The following UGT1A8 variants were observed in gnomAD, a reference collection of about 807,000 sequenced individuals.
UGT1A8 encodes the protein UDP-glucuronosyltransferase 1A8.
Under a neutral mutation model 45.3 loss-of-function variants are expected in UGT1A8, and 39 were observed. The observed-to-expected ratio is 0.86, with a 90% CI of 0.67 to 1.12. UGT1A8 has a LOEUF of 1.12. Among genes scored for constraint, UGT1A8 ranks in the 50% most tolerant of loss-of-function variants. The pLI is 0.00. For synonymous variants in UGT1A8, 275 were observed against 249.2 expected (o/e 1.10, Z -0.97); for missense variants, 719 against 664.9 (o/e 1.08, Z -0.90).
chr2:233,714,109 G>A (rs561415823), intron 1 of UGT1A8, among the ~76,000 whole-genome samples: 1 of 152,272 alleles, frequency 6.6e-6, no homozygotes, highest in East Asian at 1.9e-4. Flanking sequence ...AGAGTGGTGT[G>A]ACTCACGGAG....
intron 1 of UGT1A8, chr2:233,692,729 T>C (rs1309598477): frequency 3.2e-6 from 3 of 927,358 alleles, no homozygotes; most frequent in Non-Finnish European, 4.3e-6. Flanking sequence ...GCTATAACTT[T>C]TCAGAGAGGG....
chr2:233,750,998 C>T (rs1414684238), intron 1 of UGT1A8, among the ~76,000 whole-genome samples: 1 of 151,782 alleles, frequency 6.6e-6, no homozygotes, highest in African/African-American at 2.4e-5. Context: ...GGCCACCATC[C>T]TCCAGAATCC....
At chr2:233,637,333 T>A (rs1252336787) in intron 1 of UGT1A8, 2 of 1,613,952 alleles carry the variant, frequency 1.2e-6, no homozygotes, top group Non-Finnish European at 1.7e-6. Flanking sequence ...CAACATGATC[T>A]TCATTGGTGG....
intron 1 of UGT1A8, among the ~76,000 whole-genome samples, chr2:233,623,734 C>T (rs2073051493): frequency 6.6e-6 from 1 of 151,996 alleles, no homozygotes; most frequent in Admixed American, 6.6e-5. Flanking sequence ...AGAAATAAAC[C>T]CATACGTTCT....
chr2:233,657,879 A>G (rs2073890400), intron 1 of UGT1A8, among the ~76,000 whole-genome samples: 1 of 152,118 alleles, frequency 6.6e-6, no homozygotes, highest in Non-Finnish European at 1.5e-5. Context: ...AAAGTTATTT[A>G]TATATTCTGG....
rs541996220 is a variant in UGT1A8 at position 233,687,430 on chromosome 2, AG to A, written c.855+68870del. ...ATATATTGGAGGCTTACCGTGTACC[AG>A]GTGCTACCCTAAGTATTTACATGGA... is the stretch of plus-strand genomic sequence containing the variant. On this transcript the variant is annotated intron_variant, in intron 1 of 4. Transcript: ENST00000373450. Among the ~76,000 whole-genome samples, 100 of 152,226 alleles carry A rather than the reference AG, an allele frequency of 6.6e-4. 2 individuals are homozygous for A. In the Middle Eastern group the frequency reaches 0.02, roughly 31 times the overall value.
chr2:233,760,380 G>A, intron 1 of UGT1A8: 1 of 1,614,192 alleles, frequency 6.2e-7, no homozygotes, highest in Non-Finnish European at 8.5e-7. Flanking sequence ...GGAAGATACT[G>A]TTGATCCCAG....
At chr2:233,692,675 G>A (rs932907325) in intron 1 of UGT1A8, among the ~76,000 whole-genome samples, 1 of 152,174 alleles carries the variant, frequency 6.6e-6, no homozygotes, top group African/African-American at 2.4e-5. Context: ...TAGAGAATTG[G>A]CAGGGGGTCC....
At chr2:233,699,547 G>A (rs2075511993) in intron 1 of UGT1A8, among the ~76,000 whole-genome samples, 1 of 152,188 alleles carries the variant, frequency 6.6e-6, no homozygotes, top group African/African-American at 2.4e-5. Context: ...ACATCATAGA[G>A]CCAGGTCATG....
At chr2:233,659,698 G>A (rs1045375049) in intron 1 of UGT1A8, among the ~76,000 whole-genome samples, 4 of 152,124 alleles carry the variant, frequency 2.6e-5, no homozygotes, top group Admixed American at 1.3e-4. Flanking sequence ...ATTACTGTCT[G>A]ACATTTTTGC....
intron 1 of UGT1A8, chr2:233,637,108 G>A (rs1167236595): frequency 1.2e-6 from 2 of 1,613,878 alleles, no homozygotes; most frequent in Non-Finnish European, 1.7e-6. Flanking sequence ...TGATCTCTTA[G>A]GGTTCTCAGA....
intron 1 of UGT1A8, among the ~76,000 whole-genome samples, chr2:233,735,103 C>T (rs4467260): frequency 0.55 from 84,293 of 151,900 alleles, 25,602 homozygotes; most frequent in African/African-American, 0.82. Context: ...TGTCTAATAT[C>T]GACAGTGGGA....
intron 1 of UGT1A8, among the ~76,000 whole-genome samples, chr2:233,707,198 T>C (rs2075948022): frequency 1.3e-5 from 2 of 152,230 alleles, no homozygotes; most frequent in African/African-American, 4.8e-5. Context: ...CTCCGTTCTA[T>C]TCCCTTTCCA....
Position 233,693,326 on chromosome 2 carries a change from C to T in UGT1A8, c.856-73708C>T. ...TGCTGAGCGATCATTCCTAACTGCT[C>T]CTCAGACAGAGTACAGGAATAACAT... On this transcript the variant is annotated intron_variant, in intron 1 of 4. Transcript: ENST00000373450. 6.2e-7 allele frequency: 1 copy of T among 1,614,202 alleles called. No homozygotes were observed. Among genetic ancestry groups the T allele is most frequent in the Non-Finnish European group, 8.5e-7 (1 of 1,180,044 alleles).
intron 1 of UGT1A8, among the ~76,000 whole-genome samples, chr2:233,656,130 A>G (rs2073847839): frequency 1.3e-5 from 2 of 152,198 alleles, no homozygotes; most frequent in South Asian, 2.1e-4. Flanking sequence ...AGAAGGAGCT[A>G]TGAATATTTA....
intron 1 of UGT1A8, among the ~76,000 whole-genome samples, chr2:233,757,344 G>C (rs1023299797): frequency 6.6e-6 from 1 of 150,900 alleles, no homozygotes; most frequent in Non-Finnish European, 1.5e-5. Flanking sequence ...ATGACAGCTG[G>C]GTCTGAGAGA....
Position 233,769,767 on chromosome 2 carries a change from A to T in UGT1A8, c.1295+1328A>T. On this transcript the variant is annotated intron_variant, in intron 4 of 4. Transcript: ENST00000373450. The surrounding 1 kb of genome is among the most constrained non-coding windows in gnomAD (Gnocchi z 4.4). The stretch of plus-strand genomic sequence containing the variant: ...CCACTCTGGAGGCTAAGGCGGGAGG[A>T]TTGCTTGAGCCCAGAAGTTGGAGGC... The T allele has an allele frequency of 7.3e-7, 1 of 1,374,514 alleles. No individual in the cohort carries two copies. Among genetic ancestry groups the T allele is most frequent in the Non-Finnish European group, 9.5e-7 (1 of 1,054,322 alleles). The allele number at this position is 1,374,514 out of a possible 1,614,324, so 85.1% of individuals were successfully genotyped here. A position where few individuals can be genotyped will look rare whatever the true frequency, so the allele number is the denominator to read the frequency against.
At position 233,636,805 on chromosome 2, in the gene UGT1A8, C is replaced by G. The variant is rs28969681; in HGVS notation, c.855+18243C>G. 28 of 1,614,212 alleles carry G rather than the reference C, an allele frequency of 1.7e-5. 1 individual carries two copies. Among genetic ancestry groups the G allele is most frequent in the East Asian group, 1.1e-4 (5 of 44,888 alleles). On this transcript the variant is annotated intron_variant, in intron 1 of 4. Transcript: ENST00000373450. ...GAACCGGGAATTCATGGTTTTCGCCCATGCTCAATGGAAAGCACAGGCACA... is the reference window on the plus strand; with the variant it reads ...GAACCGGGAATTCATGGTTTTCGCCGATGCTCAATGGAAAGCACAGGCACA...
intron 1 of UGT1A8, chr2:233,693,915 C>A: frequency 6.2e-7 from 1 of 1,611,846 alleles, no homozygotes; most frequent in Non-Finnish European, 8.5e-7. Context: ...CAGGCTCTGT[C>A]CTCCCTCACT....
Sources: gnomAD v4.1 joint callset for allele counts (sites outside exome capture counted in the v4.1 genomes callset) on GRCh38, gnomAD v4.1.1 for gene constraint, Gnocchi (gnomAD v3.1) non-coding constraint, MANE v1.5 for transcripts, NCBI Gene and HGNC (gene_info 2026-07-23, HGNC 2026-07-21) for gene names.